NEGR1: variants seen among roughly 807,000 people sequenced by gnomAD.
NEGR1 encodes the protein IgLON family member 4.
Under a neutral mutation model 40.9 loss-of-function variants are expected in NEGR1, and 10 were observed. The ratio of observed to expected loss-of-function variants is 0.24; its 90% CI spans 0.15 to 0.42. The LOEUF (loss-of-function observed/expected upper bound fraction) is 0.42. NEGR1 is among the 10% of genes least tolerant of loss of function. The probability of loss-of-function intolerance (pLI) is 1.00; values close to 1 mark genes in which losing one functional copy is unlikely to be tolerated. For missense variants in NEGR1, 352 were observed against 438.9 expected, an observed-to-expected ratio of 0.80 and a Z score of 1.77; for synonymous variants, 185 against 166.8, an observed-to-expected ratio of 1.11 and a Z score of -0.84.
intron 1 of NEGR1, among the ~76,000 whole-genome samples, chr1:72,010,685 G>T (rs1646648807): frequency 6.7e-6 from 1 of 148,292 alleles, no homozygotes; most frequent in East Asian, 2.0e-4. Context: ...ATGCAGAATT[G>T]TGTGCTACTC....
chr1:71,945,873 A>G (rs1298956477), intron 1 of NEGR1, among the ~76,000 whole-genome samples: 2 of 152,206 alleles, frequency 1.3e-5, no homozygotes, highest in Non-Finnish European at 1.5e-5. Context: ...ATAGGTTTAT[A>G]AAGTTATAAA....
intron 4 of NEGR1, among the ~76,000 whole-genome samples, chr1:71,644,117 A>G (rs1377143883): frequency 6.6e-6 from 1 of 151,896 alleles, no homozygotes; most frequent in Non-Finnish European, 1.5e-5. Context: ...AAACCACTAC[A>G]CTGGTCCCTA....
At chr1:72,111,904 T>C (rs1390980617) in intron 1 of NEGR1, among the ~76,000 whole-genome samples, 1 of 151,814 alleles carries the variant, frequency 6.6e-6, no homozygotes, top group African/African-American at 2.4e-5. Flanking sequence ...ACATAGGAGA[T>C]AATTAACAAG....
At chr1:72,250,035 T>C (rs1655032463) in intron 1 of NEGR1, among the ~76,000 whole-genome samples, 2 of 152,216 alleles carry the variant, frequency 1.3e-5, no homozygotes, top group South Asian at 4.1e-4. Context: ...TTTTAGGATG[T>C]GATTAACATT....
At chr1:72,116,214 A>C (rs1405191621) in intron 1 of NEGR1, among the ~76,000 whole-genome samples, 1 of 151,750 alleles carries the variant, frequency 6.6e-6, no homozygotes, top group Non-Finnish European at 1.5e-5. Flanking sequence ...TTTACTTTTT[A>C]TATACTAGCA....
At chr1:71,592,480 CA>C (rs770384794) in intron 6 of NEGR1, among the ~76,000 whole-genome samples, 1 of 152,106 alleles carries the variant, frequency 6.6e-6, no homozygotes, top group African/African-American at 2.4e-5. Context: ...CAAGAATATG[CA>C]ATACATTTAA....
intron 1 of NEGR1, among the ~76,000 whole-genome samples, chr1:72,097,696 G>T (rs1648757394): frequency 6.6e-6 from 1 of 152,168 alleles, no homozygotes; most frequent in African/African-American, 2.4e-5. Context: ...CTGTGGTTCA[G>T]AGAAAACCAG....
At position 71,986,563 on chromosome 1, in the gene NEGR1, T is replaced by C. The variant is rs753963481; in HGVS notation, c.177-51252A>G. ...TTTTCTGCCTTCCTCCAAGAATACA[T>C]ACCATGAAGGGATTCCAAATCTCAG... On this transcript the variant is annotated intron_variant, in intron 1 of 6. Transcript: ENST00000357731. 3.3e-5 allele frequency among the ~76,000 whole-genome samples: 5 copies of C among 152,200 alleles called. 1 individual carries two copies. The South Asian group carries it at 1.0e-3, about 32-fold the overall frequency.
intron 5 of NEGR1, among the ~76,000 whole-genome samples, chr1:71,595,260 A>G (rs1312729116): frequency 6.6e-6 from 1 of 152,236 alleles, no homozygotes; most frequent in African/African-American, 2.4e-5. Context: ...TCAGCCAGGC[A>G]GGTTATTATG....
At chr1:71,546,112 C>T (rs1228025407) in intron 6 of NEGR1, among the ~76,000 whole-genome samples, 1 of 151,698 alleles carries the variant, frequency 6.6e-6, no homozygotes, top group Non-Finnish European at 1.5e-5. Flanking sequence ...GGTCACAAGT[C>T]TTTCTAATTA....
intron 6 of NEGR1, among the ~76,000 whole-genome samples, chr1:71,539,270 C>A (rs1193107978): frequency 4.0e-5 from 6 of 151,680 alleles, no homozygotes; most frequent in Non-Finnish European, 8.9e-5. Flanking sequence ...ATCATCACAG[C>A]ATTATGAATA....
At chr1:72,074,138 A>G (rs1200901574) in intron 1 of NEGR1, among the ~76,000 whole-genome samples, 3 of 152,110 alleles carry the variant, frequency 2.0e-5, no homozygotes, top group Non-Finnish European at 2.9e-5. Context: ...ACATAAAACA[A>G]TATGTCTTAT....
At chr1:71,861,183 T>C (rs527298039) in intron 2 of NEGR1, among the ~76,000 whole-genome samples, 35 of 152,192 alleles carry the variant, frequency 2.3e-4, no homozygotes, top group Non-Finnish European at 4.7e-4. Flanking sequence ...TGTATGATCT[T>C]GGGCAAGTTC....
chr1:72,116,613 T>A (rs1016316274), intron 1 of NEGR1, among the ~76,000 whole-genome samples: 9 of 151,724 alleles, frequency 5.9e-5, no homozygotes, highest in Admixed American at 5.3e-4. Flanking sequence ...TATCCCAGTA[T>A]GATTTCCACC....
At chr1:71,478,510 C>T (rs930525756) in intron 6 of NEGR1, among the ~76,000 whole-genome samples, 5 of 152,052 alleles carry the variant, frequency 3.3e-5, no homozygotes, top group African/African-American at 1.2e-4. Flanking sequence ...CCGTCTCTTT[C>T]TCCATTGCCC....
intron 3 of NEGR1, among the ~76,000 whole-genome samples, chr1:71,774,271 G>T (rs1322814691): frequency 6.6e-6 from 1 of 152,068 alleles, no homozygotes; most frequent in Non-Finnish European, 1.5e-5. Flanking sequence ...TATAACTCCT[G>T]GTTCTGAATT....
chr1:71,552,315 T>A (rs911238084), intron 6 of NEGR1, among the ~76,000 whole-genome samples: 1 of 148,350 alleles, frequency 6.7e-6, no homozygotes, highest in Non-Finnish European at 1.5e-5. Flanking sequence ...CCTTCTATTA[T>A]ATATATATAT....
At chr1:71,420,209 A>G (rs1444062404) in intron 6 of NEGR1, among the ~76,000 whole-genome samples, 3 of 152,138 alleles carry the variant, frequency 2.0e-5, no homozygotes, top group South Asian at 4.1e-4. Flanking sequence ...TTGTCATTTC[A>G]TAACACCTTT....
chr1:71,977,159 C>A (rs1275137077), intron 1 of NEGR1, among the ~76,000 whole-genome samples: 1 of 151,928 alleles, frequency 6.6e-6, no homozygotes, highest in Non-Finnish European at 1.5e-5. Context: ...CCTGTCTCCA[C>A]TAAAAATACA....
Sources: allele counts gnomAD v4.1 joint callset (sites outside exome capture counted in the v4.1 genomes callset), GRCh38; gene constraint gnomAD v4.1.1; transcripts MANE v1.5; gene names NCBI Gene and HGNC (gene_info 2026-07-23, HGNC 2026-07-21).